Variants in WASF3 observed in about 807,000 individuals in gnomAD.
WASF3 encodes WASP family member 3.
Under a neutral mutation model 46.6 loss-of-function variants are expected in WASF3, and 11 were observed. The ratio of observed to expected loss-of-function variants is 0.24; its 90% CI spans 0.15 to 0.39. The LOEUF is 0.39. WASF3 is among the 10% of genes least tolerant of loss of function. The pLI is 1.00. For synonymous variants in WASF3, 242 were observed against 259.7 expected, an observed-to-expected ratio of 0.93 and a Z score of 0.65; for missense variants, 576 against 669.8, an observed-to-expected ratio of 0.86 and a Z score of 1.55.
Position 26,635,837 on chromosome 13 carries a change from C to T in WASF3, c.-10-6424C>T, listed in dbSNP as rs566916922. On this transcript the variant is annotated intron_variant, in intron 2 of 9. Transcript: ENST00000335327. ...CCAGCGGAAGCTGCAGAATAGCAAA[C>T]ATTGCAGAACAGCAAGTATTGCTGC... Among the ~76,000 whole-genome samples, 5 of 152,368 alleles carry T rather than the reference C, an allele frequency of 3.3e-5. No individual in the cohort carries two copies. In the East Asian group the frequency reaches 9.6e-4, roughly 29 times the overall value.
the WASF3 span, among the ~76,000 whole-genome samples, chr13:26,546,414 A>C: frequency 6.6e-6 from 1 of 152,242 alleles, no homozygotes; most frequent in Non-Finnish European, 1.5e-5. Flanking sequence ...AATAAAAGTA[A>C]AAACAGACTG....
chr13:26,671,959 A>AGACAAAAGGAAAGAGAAAAGGC lies in WASF3; in HGVS notation c.512_533dup (p.Gln182ArgfsTer17). The AGACAAAAGGAAAGAGAAAAGGC allele has an allele frequency of 6.2e-7, 1 of 1,611,966 alleles. No individual in the cohort carries two copies. Among genetic ancestry groups the AGACAAAAGGAAAGAGAAAAGGC allele is most frequent in the Non-Finnish European group, 8.5e-7 (1 of 1,179,324 alleles). On this transcript the variant is annotated frameshift_variant, in exon 6 of 10. Coordinates refer to ENST00000335327, the MANE Select transcript of WASF3 (RefSeq NM_006646.6). LOFTEE classifies it high-confidence loss of function. ...AAGAAAAAATGCTACAGGACACAGA[A>AGACAAAAGGAAAGAGAAAAGGC]GACAAAAGGAAAGAGAAAAGGCGTC... is the stretch of plus-strand genomic sequence containing the variant.
intron 1 of WASF3, among the ~76,000 whole-genome samples, chr13:26,561,421 TG>T (rs1294100327): frequency 1.3e-5 from 2 of 151,810 alleles, no homozygotes; most frequent in Non-Finnish European, 2.9e-5. Flanking sequence ...TGTCCTTAGG[TG>T]GGGACAGAGC....
In WASF3 at chr13:26,685,794, C is replaced by T. The variant is rs760886165; in HGVS notation, c.1458C>T (p.Tyr486=). Residue 486 remains tyrosine (Y), a synonymous_variant, in exon 10 of 10, where the codon TAC becomes TAT. Coordinates refer to ENST00000335327, the MANE Select transcript of WASF3 (RefSeq NM_006646.6). Reference sequence around the variant, plus strand: ...TGTCCCGGCGCATTGCCGTGGAGTACAGCGACTCTGACGACGACTCAGAGT... The same window carrying T: ...TGTCCCGGCGCATTGCCGTGGAGTATAGCGACTCTGACGACGACTCAGAGT... The part of the protein sequence containing the change: ...TILSRRIAVE[Y]SDSDDDSEFD... The T allele has an allele frequency of 1.2e-6, 2 of 1,614,186 alleles. No homozygotes were observed. The highest frequency in any genetic ancestry group is 1.7e-6 in the Non-Finnish European group (2 of 1,180,010).
At chr13:26,663,337 A>G (rs1248523793) in intron 3 of WASF3, among the ~76,000 whole-genome samples, 1 of 152,246 alleles carries the variant, frequency 6.6e-6, no homozygotes. Flanking sequence ...GGTGTTCATA[A>G]AGCAATAAAC....
chr13:26,685,577 T>TC, intron 9 of WASF3, 111 bp from the exon 10 acceptor site: 1 of 1,323,872 alleles, frequency 7.6e-7, no homozygotes, highest in Non-Finnish European at 1.0e-6. Flanking sequence ...TCTAAAACTT[T>TC]CTGTCCTTAG....
chr13:26,642,342 C>A lies in WASF3; in HGVS notation c.72C>A (p.Ser24Arg). Residue 24 changes from serine (S) to arginine (R), a missense_variant, in exon 3 of 10, where the codon AGC (serine) becomes AGA (arginine). Coordinates refer to ENST00000335327, the MANE Select transcript of WASF3 (RefSeq NM_006646.6). ...GAGCTCTGCCTGAAGGGATTACCAGCGAACTTGAATGTGTAACCAATAGTA... is the reference window on the plus strand; with the variant it reads ...GAGCTCTGCCTGAAGGGATTACCAGAGAACTTGAATGTGTAACCAATAGTA... ...CRGALPEGIT[S>R]ELECVTNSTL... 1 of 1,612,232 alleles carries A rather than the reference C, an allele frequency of 6.2e-7. No homozygotes were observed. The highest frequency in any genetic ancestry group is 8.5e-7 in the Non-Finnish European group (1 of 1,179,346).
chr13:26,554,093 T>TC (rs1879038349), upstream of WASF3, among the ~76,000 whole-genome samples: 1 of 114,774 alleles, frequency 8.7e-6, no homozygotes, highest in Non-Finnish European at 1.7e-5. Flanking sequence ...CCTTCCTTCC[T>TC]TCCTTCTTTC....
At chr13:26,636,995 A>T (rs545798805) in intron 2 of WASF3, among the ~76,000 whole-genome samples, 4 of 152,324 alleles carry the variant, frequency 2.6e-5, no homozygotes, top group Admixed American at 2.6e-4. Flanking sequence ...CACAGGGCTT[A>T]TCTGCCACCC....
At chr13:26,587,903 G>C (rs1265175716) in intron 1 of WASF3, among the ~76,000 whole-genome samples, 5 of 151,990 alleles carry the variant, frequency 3.3e-5, no homozygotes, top group Non-Finnish European at 1.5e-5. Flanking sequence ...TGTCTCTTTT[G>C]GAAAGTTACA....
the WASF3 span, among the ~76,000 whole-genome samples, chr13:26,540,542 C>T: frequency 1.3e-5 from 2 of 152,338 alleles, no homozygotes; most frequent in African/African-American, 4.8e-5. Context: ...CCATGCTCTG[C>T]TCGTCTGAAG....
chr13:26,588,945 A>G (rs914212063), intron 1 of WASF3, among the ~76,000 whole-genome samples: 2 of 151,786 alleles, frequency 1.3e-5, no homozygotes, highest in African/African-American at 2.4e-5. Flanking sequence ...CCACAGGCAC[A>G]CACCACCACA....
chr13:26,550,315 T>C, the WASF3 span, among the ~76,000 whole-genome samples: 1 of 152,166 alleles, frequency 6.6e-6, no homozygotes, highest in Admixed American at 6.5e-5. Flanking sequence ...CTCATAAGCT[T>C]TGGTTCAGTC....
At chr13:26,664,338 T>C (rs9512317) in intron 3 of WASF3, among the ~76,000 whole-genome samples, 52,949 of 152,082 alleles carry the variant, frequency 0.35, 9,931 homozygotes, top group African/African-American at 0.47. Flanking sequence ...GATAAAGTAA[T>C]GGTGTTAGGA....
chr13:26,629,839 C>T (rs933656736), intron 2 of WASF3, among the ~76,000 whole-genome samples: 1 of 152,092 alleles, frequency 6.6e-6, no homozygotes, highest in Non-Finnish European at 1.5e-5. Context: ...CATGCCTGGA[C>T]CCCTGGTTCT....
At position 26,679,904 on chromosome 13, in the gene WASF3, G is replaced by A. The variant is rs1169448543; in HGVS notation, c.717-1150G>A. On this transcript the variant is annotated intron_variant, in intron 7 of 9. Coordinates refer to ENST00000335327, the MANE Select transcript of WASF3 (RefSeq NM_006646.6). The surrounding 1 kb of genome is among the most constrained non-coding windows in gnomAD (Gnocchi z 4.8). ...GAAAAGAAGCTGTCTCTTCTCATTT[G>A]GAAGGCTTTTCTGTGCCACATGGTG... is the stretch of plus-strand genomic sequence containing the variant. 9.7e-7 allele frequency: 1 copy of A among 1,030,454 alleles called. No individual in the cohort carries two copies. Among genetic ancestry groups the A allele is most frequent in the Non-Finnish European group, 1.4e-6 (1 of 724,930 alleles). 63.8% of individuals were successfully genotyped at this position (1,030,454 alleles called of 1,614,324 possible).
intron 3 of WASF3, among the ~76,000 whole-genome samples, chr13:26,658,173 T>C (rs995651271): frequency 4.6e-5 from 7 of 152,146 alleles, no homozygotes; most frequent in African/African-American, 1.7e-4. Context: ...GCTGTCCCTA[T>C]TAATTAGTTT....
intron 2 of WASF3, among the ~76,000 whole-genome samples, chr13:26,627,091 A>G (rs535533783): frequency 2.6e-5 from 4 of 152,298 alleles, no homozygotes; most frequent in South Asian, 4.1e-4. Flanking sequence ...AAGAGTACCA[A>G]TTGGAGAAGT....
intron 2 of WASF3, among the ~76,000 whole-genome samples, chr13:26,635,783 C>T (rs1881799022): frequency 6.6e-6 from 1 of 152,228 alleles, no homozygotes; most frequent in African/African-American, 2.4e-5. Context: ...GCTGGCACTC[C>T]ACTCCAGACC....
Sources: gnomAD v4.1 joint callset for allele counts (sites outside exome capture counted in the v4.1 genomes callset) on GRCh38, gnomAD v4.1.1 for gene constraint, Gnocchi (gnomAD v3.1) non-coding constraint, MANE v1.5 for transcripts, NCBI Gene and HGNC (gene_info 2026-07-23, HGNC 2026-07-21) for gene names.